The following PROX1 variants were observed in gnomAD, a reference collection of about 807,000 sequenced individuals.
The protein encoded by PROX1 is prospero homeobox 1.
In PROX1, 7 loss-of-function variants were observed where a neutral mutation model predicts 58.8. The observed-to-expected ratio is 0.12, with a 90% confidence interval of 0.07 to 0.22. The LOEUF is 0.22. Ranked by LOEUF, PROX1 falls within the 10% of genes least tolerant of loss-of-function variation. The probability of loss-of-function intolerance (pLI) is 1.00; values close to 1 mark genes in which losing one functional copy is unlikely to be tolerated. For synonymous variants in PROX1, 350 were observed against 358.3 expected (o/e 0.98, Z 0.26); for missense variants, 675 against 927.8 (o/e 0.73, Z 3.54).
chr1:214,009,024 T>C (rs552806003), intron 3 of PROX1, among the ~76,000 whole-genome samples: 5 of 152,272 alleles, frequency 3.3e-5, no homozygotes, highest in South Asian at 2.1e-4. Context: ...CTTAGACCAC[T>C]AAGTACAGCA....
chr1:214,031,100 C>G (rs562198643), intron 4 of PROX1, among the ~76,000 whole-genome samples: 5 of 151,988 alleles, frequency 3.3e-5, no homozygotes, highest in East Asian at 2.0e-4. Flanking sequence ...CACACACACG[C>G]GCAACCCAGC....
chr1:214,024,047 T>C (rs1664371315), intron 4 of PROX1, among the ~76,000 whole-genome samples: 1 of 152,166 alleles, frequency 6.6e-6, no homozygotes, highest in Non-Finnish European at 1.5e-5. Context: ...TCTGTGTAGA[T>C]ACCTGAAACT....
chr1:214,018,350 G>A (rs998775979), intron 4 of PROX1, among the ~76,000 whole-genome samples: 2 of 152,140 alleles, frequency 1.3e-5, no homozygotes, highest in South Asian at 2.1e-4. Flanking sequence ...AAGCGTAGAC[G>A]TTTAATACTT....
intron 4 of PROX1, among the ~76,000 whole-genome samples, chr1:214,015,210 G>A (rs17021804): frequency 1.3e-5 from 2 of 152,132 alleles, no homozygotes; most frequent in Non-Finnish European, 2.9e-5. Context: ...TTGTGCTAAA[G>A]GGCAGAAGCT....
At position 214,027,056 on chromosome 1, in the gene PROX1, A is replaced by G. The variant is rs190487221; in HGVS notation, c.2029-8593A>G. ...GTCTGACTTGGAAGTGTACTGCCAC[A>G]AACTCCATGTAGGTGACAGGAGGAG... is the stretch of plus-strand genomic sequence containing the variant. On this transcript the variant is annotated intron_variant, in intron 4 of 4. Coordinates refer to ENST00000366958, the MANE Select transcript of PROX1 (RefSeq NM_001270616.2). Among the ~76,000 whole-genome samples the G allele has an allele frequency of 1.3e-3, 201 of 152,280 alleles. 1 individual carries two copies. The highest frequency in any genetic ancestry group is 5.8e-4 in the East Asian group (3 of 5,180).
intron 1 of PROX1, among the ~76,000 whole-genome samples, chr1:213,993,562 T>C (rs1663113835): frequency 6.6e-6 from 1 of 152,208 alleles, no homozygotes; most frequent in Non-Finnish European, 1.5e-5. Flanking sequence ...GTGGTAAATA[T>C]ATTCATATAG....
At position 214,037,385 on chromosome 1, in the gene PROX1, A is replaced by G. The variant is rs1664862494; in HGVS notation, c.*1551A>G. 6.6e-6 allele frequency: 1 copy of G among 152,238 alleles called. No homozygotes were observed. Among genetic ancestry groups the G allele is most frequent in the African/African-American group, 2.4e-5 (1 of 41,454 alleles). The allele number at this position is 152,238 out of a possible 1,614,324, so 9.4% of individuals were successfully genotyped here. On this transcript the variant is annotated 3_prime_UTR_variant, in exon 5 of 5. Coordinates refer to ENST00000366958, the MANE Select transcript of PROX1 (RefSeq NM_001270616.2). ...GGTATTTAGAACATATAGAACATAA[A>G]TGCCATTTTTTAATTCAACTTTAAT... is the stretch of plus-strand genomic sequence containing the variant.
chr1:214,014,921 C>G (rs1459945490), intron 4 of PROX1, among the ~76,000 whole-genome samples: 1 of 152,184 alleles, frequency 6.6e-6, no homozygotes. Context: ...AGGCTGCTGA[C>G]CCCTGGCCTA....
chr1:214,005,287 T>A lies in PROX1; in HGVS notation c.1833+15T>A, dbSNP rs1663666708. 2 of 1,576,858 alleles carry A rather than the reference T, an allele frequency of 1.3e-6. No individual in the cohort carries two copies. Among genetic ancestry groups the A allele is most frequent in the Admixed American group, 1.7e-5 (1 of 57,880 alleles). ...CCGACGTAAAGGTAGGGACTTTTTT[T>A]ATTCTTAATTTTTTCATTTTCTATG... On this transcript the variant is annotated intron_variant, in intron 3 of 4. Transcript: ENST00000366958.
chr1:214,026,817 C>T (rs755793206), intron 4 of PROX1, among the ~76,000 whole-genome samples: 2 of 152,124 alleles, frequency 1.3e-5, no homozygotes, highest in African/African-American at 2.4e-5. Context: ...CCCCCAGATC[C>T]GTACACTGCA....
intron 4 of PROX1, among the ~76,000 whole-genome samples, chr1:214,032,763 T>C (rs1446990368): frequency 6.6e-6 from 1 of 152,158 alleles, no homozygotes; most frequent in Non-Finnish European, 1.5e-5. Flanking sequence ...AGAGACACCT[T>C]ATGATGAGGT....
In PROX1 at chr1:213,999,148, T is replaced by C. The variant is rs1329897143; in HGVS notation, c.1725+888T>C. 2.0e-5 allele frequency among the ~76,000 whole-genome samples: 3 copies of C among 152,214 alleles called. No homozygotes were observed. In the East Asian group the frequency reaches 5.8e-4, roughly 29 times the overall value. On this transcript the variant is annotated intron_variant, in intron 2 of 4. Transcript: ENST00000366958. ...TTAAATTCTGAAACTGACGTTTATG[T>C]AGAGATAACAGTTATATTTTTTTAT...
In PROX1 at chr1:213,997,320, A is replaced by T; in HGVS notation, c.785A>T (p.Asp262Val). Residue 262 changes from aspartate (D) to valine (V), a missense_variant, in exon 2 of 5, where the codon GAC becomes GTC. Physicochemically the swap from Asp to Val is radical, Grantham distance 152 (BLOSUM62 -3). This residue lies in a region of PROX1 where 403 missense variants were observed against 477.4 expected (regional missense o/e 0.84). Coordinates refer to ENST00000366958, the MANE Select transcript of PROX1 (RefSeq NM_001270616.2). The surrounding 1 kb of genome is among the most constrained non-coding windows in gnomAD (Gnocchi z 7.1). The part of the protein sequence containing the change: ...QLQEKFYQIY[D>V]STDSENDEDG... ...CAGGAAAAGTTCTACCAAATCTATGACAGCACTGATTCGGAAAATGATGAA... is the reference window on the plus strand; with the variant it reads ...CAGGAAAAGTTCTACCAAATCTATGTCAGCACTGATTCGGAAAATGATGAA... 6.2e-7 allele frequency: 1 copy of T among 1,614,146 alleles called. No individual in the cohort carries two copies. Among genetic ancestry groups the T allele is most frequent in the Non-Finnish European group, 8.5e-7 (1 of 1,180,042 alleles).
intron 4 of PROX1, chr1:214,030,498 G>C (rs1022053076): frequency 1.9e-4 from 29 of 152,168 alleles, no homozygotes; most frequent in African/African-American, 6.5e-4. Context: ...TTTCAGTGAA[G>C]ATCATTTCAG....
At chr1:213,991,277 T>C (rs966137384) in intron 1 of PROX1, among the ~76,000 whole-genome samples, 4 of 152,240 alleles carry the variant, frequency 2.6e-5, no homozygotes, top group Admixed American at 6.5e-5. Context: ...AGACTACTTC[T>C]GTAGACTGAG....
intron 2 of PROX1, among the ~76,000 whole-genome samples, chr1:214,001,851 TA>T (rs1221864906): frequency 1.3e-5 from 2 of 150,540 alleles, no homozygotes; most frequent in Non-Finnish European, 3.0e-5. Context: ...AAAAAAATTA[TA>T]AAGTAAGTAA....
In PROX1 at chr1:213,988,095, TCTC is replaced by T. The variant is rs1338170598; in HGVS notation, c.-452_-450del. On this transcript the variant is annotated 5_prime_UTR_variant, in exon 1 of 5. Transcript: ENST00000366958. ...TCGCTCCTCTTCTCTTCTTTACCCT[TCTC>T]CTCTCTCCTCCTCTGCTGCTCTCTC... The T allele has an allele frequency of 7.8e-5, 11 of 141,740 alleles. No individual in the cohort carries two copies. The highest frequency in any genetic ancestry group is 2.9e-4 in the African/African-American group (11 of 37,408). 8.8% of individuals were successfully genotyped at this position (141,740 alleles called of 1,614,324 possible). A position where few individuals can be genotyped will look rare whatever the true frequency, so the allele number is the denominator to read the frequency against.
chr1:214,035,865 A>G lies in PROX1; in HGVS notation c.*31A>G, dbSNP rs757752264. 6 of 1,581,860 alleles carry G rather than the reference A, an allele frequency of 3.8e-6. No individual in the cohort carries two copies. In the Admixed American group the frequency reaches 8.8e-5, roughly 23 times the overall value. On this transcript the variant is annotated 3_prime_UTR_variant, in exon 5 of 5. Coordinates refer to ENST00000366958, the MANE Select transcript of PROX1 (RefSeq NM_001270616.2). ...TCAACAACTCTTTTTGAATGTATGA[A>G]GAGTAGCAGTCCCCTTTGGATGTCC...
At chr1:213,987,644 C>T (rs1662858874), upstream of PROX1, 1 of 147,414 alleles carries the variant, frequency 6.8e-6, no homozygotes, top group Non-Finnish European at 1.5e-5. Flanking sequence ...TTGCATAGTG[C>T]CCGCAGATGG....
Sources: allele counts gnomAD v4.1 joint callset (sites outside exome capture counted in the v4.1 genomes callset), GRCh38; gene constraint gnomAD v4.1.1; regional missense constraint gnomAD v4.1.1; non-coding constraint Gnocchi (gnomAD v3.1); transcripts MANE v1.5; gene names NCBI Gene and HGNC (gene_info 2026-07-23, HGNC 2026-07-21).